The following PEAK1 variants were observed in gnomAD, a reference collection of about 807,000 sequenced individuals.
PEAK1 encodes inactive tyrosine-protein kinase PEAK1.
A neutral mutation model predicts 124.7 loss-of-function variants in PEAK1; 54 were observed. The ratio of observed to expected loss-of-function variants is 0.43; its 90% confidence interval spans 0.35 to 0.54. The LOEUF (loss-of-function observed/expected upper bound fraction) is 0.54. PEAK1 is among the 20% of genes least tolerant of loss of function. The probability of loss-of-function intolerance (pLI) is 0.01; values close to 1 mark genes in which losing one functional copy is unlikely to be tolerated. For missense variants in PEAK1, 2,046 were observed against 2,134.5 expected (o/e 0.96, Z 0.82); for synonymous variants, 719 against 760.0 (o/e 0.95, Z 0.89).
chr15:77,378,391 C>T (rs1246409223), intron 1 of PEAK1, among the ~76,000 whole-genome samples: 7 of 151,866 alleles, frequency 4.6e-5, no homozygotes, highest in African/African-American at 9.7e-5. Flanking sequence ...ATGAAATGAT[C>T]GTCAAAAATT....
chr15:77,309,221 A>G (rs2064284537), intron 2 of PEAK1, among the ~76,000 whole-genome samples: 1 of 152,116 alleles, frequency 6.6e-6, no homozygotes, highest in Non-Finnish European at 1.5e-5. Context: ...CCAGAGTAAG[A>G]TAAAGGAAAA....
At chr15:77,131,284 A>G (rs548337971) in intron 9 of PEAK1, among the ~76,000 whole-genome samples, 1 of 152,090 alleles carries the variant, frequency 6.6e-6, no homozygotes, top group East Asian at 1.9e-4. Context: ...TCACGAGGTC[A>G]AGAGATTGAG....
At chr15:77,241,580 G>A (rs183297310) in intron 6 of PEAK1, among the ~76,000 whole-genome samples, 1 of 151,958 alleles carries the variant, frequency 6.6e-6, no homozygotes, top group East Asian at 1.9e-4. Flanking sequence ...AAATCCCAAG[G>A]AATCTACAAA....
At chr15:77,413,141 T>C (rs994094150) in intron 1 of PEAK1, among the ~76,000 whole-genome samples, 5 of 152,218 alleles carry the variant, frequency 3.3e-5, no homozygotes, top group Non-Finnish European at 7.3e-5. Flanking sequence ...GATCCACTAA[T>C]GAATGCTAAA....
chr15:77,267,655 G>A (rs2061808536), intron 5 of PEAK1, among the ~76,000 whole-genome samples: 1 of 152,102 alleles, frequency 6.6e-6, no homozygotes, highest in African/African-American at 2.4e-5. Context: ...CATCCCTATG[G>A]GAAAGGGAAG....
At chr15:77,413,913 A>G (rs2072619127) in intron 1 of PEAK1, among the ~76,000 whole-genome samples, 1 of 151,922 alleles carries the variant, frequency 6.6e-6, no homozygotes, top group Non-Finnish European at 1.5e-5. Context: ...AGCCTCTACC[A>G]TCCAGGCTCA....
chr15:77,257,570 G>T (rs1405020965), intron 5 of PEAK1, among the ~76,000 whole-genome samples: 4 of 151,250 alleles, frequency 2.6e-5, no homozygotes, highest in African/African-American at 4.9e-5. Flanking sequence ...TTTTTGATGG[G>T]GTTGTTTGTT....
At chr15:77,233,776 G>A (rs1481690277) in intron 6 of PEAK1, among the ~76,000 whole-genome samples, 1 of 152,106 alleles carries the variant, frequency 6.6e-6, no homozygotes, top group African/African-American at 2.4e-5. Flanking sequence ...TTAATTCAGA[G>A]TTTTTACCAT....
Position 77,133,160 on chromosome 15 carries a change from G to A in PEAK1, c.3922C>T (p.Leu1308Phe), listed in dbSNP as rs187852199. The change falls in exon 9 of 10, where the codon CTT becomes TTT. Residue 1308 changes from leucine to phenylalanine, a missense_variant. Coordinates refer to ENST00000682557, the MANE Select transcript of PEAK1 (RefSeq NM_001385026.1). This position sits in a 1 kb window ranked among gnomAD's most constrained non-coding sequence, Gnocchi z 4.2. ...TGGTCTTTCTGCCCAGCCATGAAAA[G>A]GTCTTCGCATTTAACAGCCAGTTTC... ...LKKLAVKCED[L>F]FMAGQKDQLR... is the part of the protein sequence containing the mutation. The A allele has an allele frequency of 8.7e-5, 141 of 1,614,158 alleles. No homozygotes were observed. The Middle Eastern group carries it at 9.9e-4, about 11-fold the overall frequency.
intron 2 of PEAK1, chr15:77,332,313 T>C: frequency 2.0e-6 from 2 of 983,324 alleles, no homozygotes; most frequent in Non-Finnish European, 2.4e-6. Context: ...GTTGAAAAAT[T>C]TTTTGGCCGG....
chr15:77,225,663 A>ATTTTATATATATATAT (rs56047702), intron 6 of PEAK1, among the ~76,000 whole-genome samples: 1 of 38,982 alleles, frequency 2.6e-5, no homozygotes, highest in African/African-American at 7.6e-5. Flanking sequence ...GTGTGTGTAT[A>ATTTTATATATATATAT]ATTTATATAT....
At chr15:77,322,470 A>T (rs1339384223) in intron 2 of PEAK1, among the ~76,000 whole-genome samples, 1 of 152,206 alleles carries the variant, frequency 6.6e-6, no homozygotes, top group African/African-American at 2.4e-5. Context: ...CCACAGAAAT[A>T]CAAACTACCA....
At chr15:77,319,037 C>T (rs2065040920) in intron 2 of PEAK1, among the ~76,000 whole-genome samples, 1 of 152,086 alleles carries the variant, frequency 6.6e-6, no homozygotes, top group South Asian at 2.1e-4. Flanking sequence ...AGAAGACAAC[C>T]TAATAGGATC....
intron 6 of PEAK1, among the ~76,000 whole-genome samples, chr15:77,233,507 T>C (rs1486031973): frequency 2.0e-5 from 3 of 152,210 alleles, no homozygotes; most frequent in Non-Finnish European, 2.9e-5. Context: ...GCCTATTTCA[T>C]TGGCTTCTTC....
At chr15:77,297,674 G>C (rs1450939899) in intron 2 of PEAK1, among the ~76,000 whole-genome samples, 3 of 149,394 alleles carry the variant, frequency 2.0e-5, no homozygotes, top group Admixed American at 2.0e-4. Context: ...CAGGAGAATC[G>C]TGTGAATCCG....
chr15:77,220,580 T>C (rs1033896648), intron 6 of PEAK1, among the ~76,000 whole-genome samples: 6 of 141,146 alleles, frequency 4.3e-5, no homozygotes, highest in African/African-American at 1.3e-4. Context: ...GCTTTTAAAA[T>C]AGGCAATATG....
chr15:77,269,342 G>A (rs2061907260), intron 5 of PEAK1, among the ~76,000 whole-genome samples: 1 of 152,084 alleles, frequency 6.6e-6, no homozygotes, highest in African/African-American at 2.4e-5. Context: ...ATGCAAATGG[G>A]CACCAGAAGC....
intron 1 of PEAK1, among the ~76,000 whole-genome samples, chr15:77,386,912 G>A (rs1015618236): frequency 2.0e-5 from 3 of 152,006 alleles, no homozygotes; most frequent in African/African-American, 4.8e-5. Context: ...AGATGGAGAG[G>A]GATCCTCTCA....
chr15:77,257,558 A>G (rs892698156), intron 5 of PEAK1, among the ~76,000 whole-genome samples: 35 of 151,284 alleles, frequency 2.3e-4, no homozygotes, highest in Admixed American at 1.6e-3. Context: ...TCCTTCGCCC[A>G]CTTTTTGATG....
Sources: allele counts gnomAD v4.1 joint callset (sites outside exome capture counted in the v4.1 genomes callset), GRCh38; gene constraint gnomAD v4.1.1; non-coding constraint Gnocchi (gnomAD v3.1); transcripts MANE v1.5; gene names NCBI Gene and HGNC (gene_info 2026-07-23, HGNC 2026-07-21).